LRP1B: variants seen among roughly 807,000 people sequenced by gnomAD.
LRP1B encodes the protein LDL receptor related protein 1B, also known as low-density lipoprotein receptor-related protein 1B.
In LRP1B, 217 loss-of-function variants were observed where a neutral mutation model predicts 556.6. The observed-to-expected ratio is 0.39, with a 90% CI of 0.35 to 0.44. LRP1B has a LOEUF of 0.44. Among genes scored for constraint, LRP1B ranks in the 20% least tolerant of loss-of-function variants. The pLI is 1.00. For synonymous variants in LRP1B, 2,047 were observed against 1,865.8 expected (o/e 1.10, Z -2.50); for missense variants, 5,053 against 5,620.8 (o/e 0.90, Z 3.23).
In LRP1B at chr2:141,823,807, T is replaced by C. The variant is rs548466375; in HGVS notation, c.83-13406A>G. 1.1e-3 allele frequency among the ~76,000 whole-genome samples: 163 copies of C among 152,288 alleles called. 1 individual carries two copies. The highest frequency in any genetic ancestry group is 3.8e-3 in the African/African-American group (159 of 41,568). ...TGTCAGCCTCTGGAGCAGCTAGGAC[T>C]ACAGGTGTCCACCACCATGTCAGGA... On this transcript the variant is annotated intron_variant, in intron 1 of 90. Coordinates refer to ENST00000389484, the MANE Select transcript of LRP1B (RefSeq NM_018557.3).
rs375100156 is a variant in LRP1B at position 140,233,162 on chromosome 2, A to T, written c.*24T>A. Reference sequence around the variant, plus strand: ...TAATCCTTATATTTTATACATTTATACAGCATATAAAAGATATCACTGATT... The same window carrying T: ...TAATCCTTATATTTTATACATTTATTCAGCATATAAAAGATATCACTGATT... On this transcript the variant is annotated 3_prime_UTR_variant, in exon 91 of 91. Transcript: ENST00000389484. 2.0e-6 allele frequency: 3 copies of T among 1,485,486 alleles called. No homozygotes were observed. The highest frequency in any genetic ancestry group is 2.8e-6 in the Non-Finnish European group (3 of 1,077,670). 92.0% of individuals were successfully genotyped at this position (1,485,486 alleles called of 1,614,324 possible).
intron 2 of LRP1B, among the ~76,000 whole-genome samples, chr2:141,630,282 G>A (rs559667931): frequency 1.7e-4 from 26 of 152,102 alleles, no homozygotes; most frequent in Non-Finnish European, 3.4e-4. Context: ...TAAAAAGAAT[G>A]AAACAGCTGG....
chr2:141,606,617 G>C (rs1214637530), intron 2 of LRP1B, among the ~76,000 whole-genome samples: 1 of 152,060 alleles, frequency 6.6e-6, no homozygotes, highest in African/African-American at 2.4e-5. Context: ...CAATCTGACT[G>C]GTGTCCTTAT....
chr2:140,487,458 T>A (rs1042770169), intron 58 of LRP1B, among the ~76,000 whole-genome samples, 159 bp downstream of exon 58: 1 of 151,942 alleles, frequency 6.6e-6, no homozygotes, highest in Non-Finnish European at 1.5e-5. Flanking sequence ...AGGTCTCATT[T>A]TTCATATTTA....
chr2:141,402,515 T>C (rs1690483881), intron 3 of LRP1B, among the ~76,000 whole-genome samples: 1 of 152,090 alleles, frequency 6.6e-6, no homozygotes, highest in Admixed American at 6.6e-5. Flanking sequence ...TTATTTTTAA[T>C]AGTGTTTGAG....
chr2:141,967,341 C>T (rs182071402), intron 1 of LRP1B, among the ~76,000 whole-genome samples: 1 of 151,822 alleles, frequency 6.6e-6, no homozygotes, highest in Non-Finnish European at 1.5e-5. Flanking sequence ...GCTATAATGA[C>T]ATGGATTAAT....
chr2:140,614,084 C>A (rs991374186), intron 41 of LRP1B, among the ~76,000 whole-genome samples: 1 of 152,146 alleles, frequency 6.6e-6, no homozygotes, highest in South Asian at 2.1e-4. Context: ...TTTACCCTGA[C>A]AAATTATTTA....
intron 1 of LRP1B, among the ~76,000 whole-genome samples, chr2:141,884,243 G>GC (rs1699042724): frequency 6.6e-6 from 1 of 152,104 alleles, no homozygotes; most frequent in African/African-American, 2.4e-5. Flanking sequence ...AGGCATGGTA[G>GC]CATGTGCCTG....
intron 2 of LRP1B, among the ~76,000 whole-genome samples, chr2:141,773,753 A>C (rs1442446361): frequency 6.6e-6 from 1 of 152,232 alleles, no homozygotes; most frequent in Admixed American, 6.5e-5. Flanking sequence ...ACAAAACAAA[A>C]CAACCTACAT....
At chr2:140,468,077 T>G (rs1404268708) in intron 60 of LRP1B, among the ~76,000 whole-genome samples, 2 of 152,028 alleles carry the variant, frequency 1.3e-5, no homozygotes, top group East Asian at 3.9e-4. Flanking sequence ...CAAAAGCATT[T>G]TGGAGGTCTT....
chr2:140,611,670 A>G (rs1011758784), intron 41 of LRP1B, among the ~76,000 whole-genome samples: 2 of 152,126 alleles, frequency 1.3e-5, no homozygotes, highest in Non-Finnish European at 2.9e-5. Context: ...GTGCTTTGAC[A>G]TTGAACTCAA....
intron 41 of LRP1B, among the ~76,000 whole-genome samples, chr2:140,659,610 C>T (rs1685020042): frequency 6.6e-6 from 1 of 151,986 alleles, no homozygotes; most frequent in Admixed American, 6.6e-5. Flanking sequence ...AAACATTCAA[C>T]ACAGTAAATA....
rs911253410 is a variant in LRP1B at position 141,802,059 on chromosome 2, T to C, written c.205+8220A>G. Among the ~76,000 whole-genome samples the C allele has an allele frequency of 2.0e-5, 3 of 152,124 alleles. No homozygotes were observed. The East Asian group carries it at 5.8e-4, about 29-fold the overall frequency. On this transcript the variant is annotated intron_variant, in intron 2 of 90. Transcript: ENST00000389484. ...GGTTTCCTCTGAGGCCTCTTTTGTT[T>C]GCTTGTAAATGGCCACCTGCTTGCT...
chr2:141,779,160 T>A (rs1443976240), intron 2 of LRP1B, among the ~76,000 whole-genome samples: 1 of 152,162 alleles, frequency 6.6e-6, no homozygotes, highest in Middle Eastern at 3.2e-3. Context: ...TAGATTTGTA[T>A]TTATGTGGAT....
chr2:141,911,559 C>A (rs1699908414), intron 1 of LRP1B, among the ~76,000 whole-genome samples: 2 of 152,054 alleles, frequency 1.3e-5, no homozygotes, highest in Admixed American at 6.6e-5. Flanking sequence ...CAGTAGCATC[C>A]TTCTGTCTTT....
At chr2:140,460,530 A>G (rs557957522) in intron 60 of LRP1B, among the ~76,000 whole-genome samples, 14 of 152,290 alleles carry the variant, frequency 9.2e-5, no homozygotes, top group Admixed American at 3.9e-4. Flanking sequence ...GAAAAGTTAT[A>G]TGACCAGTTG....
In LRP1B at chr2:140,899,944, T is replaced by C. The variant is rs115968433; in HGVS notation, c.3766+2976A>G. ...TTATAACTCTACTAATCAAATTACC[T>C]ATCAATAAACTATTGCTATAATATT... On this transcript the variant is annotated intron_variant, in intron 23 of 90. Transcript: ENST00000389484. Among the ~76,000 whole-genome samples, 756 of 152,272 alleles carry C rather than the reference T, an allele frequency of 5.0e-3. 6 individuals carry two copies. Among genetic ancestry groups the C allele is most frequent in the African/African-American group, 0.018 (738 of 41,560 alleles).
chr2:141,865,441 A>T (rs1698377658), intron 1 of LRP1B, among the ~76,000 whole-genome samples: 2 of 150,774 alleles, frequency 1.3e-5, no homozygotes, highest in Admixed American at 6.6e-5. Context: ...AAATACAAAA[A>T]ATTAGCCGGG....
At chr2:140,421,543 C>T (rs147644027) in intron 66 of LRP1B, among the ~76,000 whole-genome samples, 1,639 of 152,182 alleles carry the variant, frequency 0.011, 30 homozygotes, top group African/African-American at 0.038. Context: ...TCTTAAAATA[C>T]CATGTTATTT....
Sources: allele counts gnomAD v4.1 joint callset (sites outside exome capture counted in the v4.1 genomes callset), GRCh38; gene constraint gnomAD v4.1.1; transcripts MANE v1.5; gene names NCBI Gene and HGNC (gene_info 2026-07-23, HGNC 2026-07-21).